Variants in ESCO2 observed in about 807,000 individuals in gnomAD.
The protein encoded by ESCO2 is establishment of sister chromatid cohesion N-acetyltransferase 2, also known as N-acetyltransferase ESCO2.
ESCO2 carries 51 observed loss-of-function variants against 61.7 expected under a neutral mutation model. The ratio of observed to expected loss-of-function variants is 0.83; its 90% confidence interval spans 0.66 to 1.04. ESCO2 has a LOEUF of 1.04. Ranked by LOEUF, ESCO2 falls within the 50% of genes least tolerant of loss-of-function variation. ESCO2 has a pLI of 0.00. For synonymous variants in ESCO2, 230 were observed against 238.2 expected (o/e 0.97, Z 0.32); for missense variants, 692 against 686.2 (o/e 1.01, Z -0.09).
intron 9 of ESCO2, among the ~76,000 whole-genome samples, chr8:27,797,066 C>G (rs142982356): frequency 1.3e-5 from 2 of 152,148 alleles, no homozygotes; most frequent in East Asian, 3.9e-4. Flanking sequence ...GTGCTATGAT[C>G]GCACCAGTGC....
chr8:27,783,510 G>A (rs960149805), intron 4 of ESCO2, among the ~76,000 whole-genome samples: 3 of 151,932 alleles, frequency 2.0e-5, no homozygotes, highest in African/African-American at 7.3e-5. Flanking sequence ...TTATGCTTTC[G>A]CTGTTGTATG....
chr8:27,773,819 T>C (rs1804713667), upstream of ESCO2: 1 of 152,238 alleles, frequency 6.6e-6, no homozygotes, highest in South Asian at 2.1e-4. Context: ...CAGGAGCTGG[T>C]GACACAAAGA....
Position 27,787,940 on chromosome 8 carries a change from A to G in ESCO2, c.1069A>G (p.Asn357Asp), listed in dbSNP as rs746760892. 18 of 1,613,886 alleles carry G rather than the reference A, an allele frequency of 1.1e-5. No homozygotes were observed. In the South Asian group the frequency reaches 1.9e-4, roughly 17 times the overall value. Residue 357 changes from asparagine to aspartate, a missense_variant, in exon 6 of 11, where the codon AAT (asparagine) becomes GAT (aspartate). By Grantham distance (23) the Asn-to-Asp change is conservative. Coordinates refer to ENST00000305188, the MANE Select transcript of ESCO2 (RefSeq NM_001017420.3). ...VGSVNFMKQTNIQKNTNTRDT... is the reference protein window; with the variant it reads ...VGSVNFMKQTDIQKNTNTRDT... ...ATCTGTCAACTTCATGAAACAGACC[A>G]ATATCCAGAAAAATACTAATACCAG...
At chr8:27,791,666 C>A (rs1256205762) in intron 7 of ESCO2, among the ~76,000 whole-genome samples, 2 of 152,148 alleles carry the variant, frequency 1.3e-5, no homozygotes, top group East Asian at 3.9e-4. Flanking sequence ...AGTGATCCAC[C>A]CACCCGGGCC....
chr8:27,780,730 A>G (rs749712900), intron 4 of ESCO2, among the ~76,000 whole-genome samples: 7 of 152,252 alleles, frequency 4.6e-5, no homozygotes, highest in Non-Finnish European at 8.8e-5. Context: ...AATTAGCTGT[A>G]TGATCTAGGA....
At chr8:27,819,297 C>T in the ESCO2 span, among the ~76,000 whole-genome samples, 13 of 149,442 alleles carry the variant, frequency 8.7e-5, no homozygotes, top group African/African-American at 2.9e-4. Flanking sequence ...GTTCTTAGGG[C>T]GTCATTTTTT....
chr8:27,801,372 T>C (rs1403009187), intron 10 of ESCO2, among the ~76,000 whole-genome samples: 1 of 152,202 alleles, frequency 6.6e-6, no homozygotes, highest in Non-Finnish European at 1.5e-5. Context: ...TCTTGCATTC[T>C]ATGCCACTTT....
At chr8:27,810,832 T>C, downstream of ESCO2, 1 of 676,932 alleles carries the variant, frequency 1.5e-6, no homozygotes, top group Admixed American at 2.7e-5. Context: ...CTCATTTGTG[T>C]GAGATTAAAC....
intron 10 of ESCO2, among the ~76,000 whole-genome samples, chr8:27,801,969 A>ATTTTTTTTTT (rs34539100): frequency 9.5e-5 from 8 of 83,782 alleles, no homozygotes; most frequent in Non-Finnish European, 1.3e-4. Context: ...CCTTCATGGC[A>ATTTTTTTTTT]TTTTTTTTTT....
intron 4 of ESCO2, among the ~76,000 whole-genome samples, chr8:27,781,647 A>G (rs1482886213): frequency 2.0e-5 from 3 of 146,386 alleles, no homozygotes; most frequent in African/African-American, 5.1e-5. Context: ...TGCAGCCTCC[A>G]CCTCCAGGGT....
chr8:27,792,515 A>G (rs758477019), intron 8 of ESCO2, among the ~76,000 whole-genome samples, 153 bp from the exon 9 acceptor site: 1 of 152,266 alleles, frequency 6.6e-6, no homozygotes, highest in Non-Finnish European at 1.5e-5. Flanking sequence ...TACATGCATC[A>G]ATAGTGAAAT....
At chr8:27,784,658 A>G (rs939922582) in intron 5 of ESCO2, among the ~76,000 whole-genome samples, 1 of 152,204 alleles carries the variant, frequency 6.6e-6, no homozygotes, top group African/African-American at 2.4e-5. Flanking sequence ...TGAAGCTACC[A>G]GTACCCAAGC....
chr8:27,783,965 G>T, intron 4 of ESCO2, 35 bp from the exon 5 acceptor site: 2 of 1,530,036 alleles, frequency 1.3e-6, no homozygotes, highest in South Asian at 1.1e-5. Context: ...GATTTTATTT[G>T]GTAATACACA....
At chr8:27,816,346 T>C (rs937368602), downstream of ESCO2, among the ~76,000 whole-genome samples, 7 of 142,872 alleles carry the variant, frequency 4.9e-5, no homozygotes, top group South Asian at 1.5e-3. Flanking sequence ...TCGAATACTA[T>C]ATATATATAT....
In ESCO2 at chr8:27,776,655, A is replaced by T. The variant is rs1300216274; in HGVS notation, c.347A>T (p.Asp116Val). The T allele has an allele frequency of 1.2e-6, 2 of 1,613,958 alleles. No homozygotes were observed. The highest frequency in any genetic ancestry group is 1.7e-6 in the Non-Finnish European group (2 of 1,180,020). ...RSTCLKTNDE[D>V]KSFPIVTEKM... ...ACTTGTCTAAAAACTAATGATGAAG[A>T]TAAATCTTTTCCCATTGTGACAGAA... Residue 116 changes from aspartate to valine, a missense_variant, in exon 3 of 11, where the codon GAT (aspartate) becomes GTT (valine). Transcript: ENST00000305188.
downstream of ESCO2, among the ~76,000 whole-genome samples, chr8:27,806,309 T>A (rs1240873536): frequency 6.8e-6 from 1 of 147,526 alleles, no homozygotes; most frequent in Admixed American, 6.8e-5. Flanking sequence ...TGTCATAAAT[T>A]GTGCCAATAT....
At chr8:27,772,523 G>A (rs1253243280), upstream of ESCO2, 1 of 1,549,926 alleles carries the variant, frequency 6.5e-7, no homozygotes, top group East Asian at 2.4e-5. Context: ...CGCTGCTGCT[G>A]GTGAAGTAGA....
At chr8:27,780,354 T>A in intron 4 of ESCO2, 87 bp downstream of exon 4, 1 of 938,886 alleles carries the variant, frequency 1.1e-6, no homozygotes, top group South Asian at 1.4e-5. Flanking sequence ...AATTTCTGGG[T>A]CTTTCTTTTT....
At position 27,803,989 on chromosome 8, in the gene ESCO2, A is replaced by G. The variant is rs1192881443; in HGVS notation, c.*551A>G. The G allele has an allele frequency of 1.0e-6, 1 of 987,802 alleles. No homozygotes were observed. The highest frequency in any genetic ancestry group is 1.7e-5 in the African/African-American group (1 of 57,184). 61.2% of individuals were successfully genotyped at this position (987,802 alleles called of 1,614,324 possible). Reference sequence around the variant, plus strand: ...CTTTTGGGCTCAAGCGATCCTCCCAAAACGCTGGGATTACAGTCATGAGCC... The same window carrying G: ...CTTTTGGGCTCAAGCGATCCTCCCAGAACGCTGGGATTACAGTCATGAGCC... On this transcript the variant is annotated 3_prime_UTR_variant, in exon 11 of 11. Coordinates refer to ENST00000305188, the MANE Select transcript of ESCO2 (RefSeq NM_001017420.3).
Sources: allele counts gnomAD v4.1 joint callset (sites outside exome capture counted in the v4.1 genomes callset), GRCh38; gene constraint gnomAD v4.1.1; transcripts MANE v1.5; gene names NCBI Gene and HGNC (gene_info 2026-07-23, HGNC 2026-07-21).